The following MMP17 variants were observed in gnomAD, a reference collection of about 807,000 sequenced individuals.
The protein encoded by MMP17 is matrix metalloproteinase-17.
In MMP17, 54 loss-of-function variants were observed where a neutral mutation model predicts 49.1. That is an observed-to-expected ratio of 1.10 (90% CI 0.88 to 1.38). The LOEUF (loss-of-function observed/expected upper bound fraction) is 1.38. MMP17 is among the 40% of genes most tolerant of loss of function. MMP17 has a pLI of 0.00. For synonymous variants in MMP17, 397 were observed against 383.1 expected (o/e 1.04, Z -0.42); for missense variants, 837 against 853.7 (o/e 0.98, Z 0.24).
rs1339418287 is a variant in MMP17, at chr12:131,832,833, C to T, written c.159+4180C>T. ...CACCCCGCCCCCTGACTCTGTCACA[C>T]CCGCTCCTCTGCGCTGTGTGTTTTC... On this transcript the variant is annotated intron_variant, in intron 1 of 9. Transcript: ENST00000360564. Among the ~76,000 whole-genome samples the T allele has an allele frequency of 1.4e-4, 22 of 152,218 alleles. 1 individual carries two copies. Among genetic ancestry groups the T allele is most frequent in the Admixed American group, 1.4e-3 (22 of 15,290 alleles).
intron 1 of MMP17, among the ~76,000 whole-genome samples, chr12:131,837,076 TGTGG>T (rs1430908353): frequency 6.6e-6 from 1 of 152,216 alleles, no homozygotes; most frequent in Non-Finnish European, 1.5e-5. Context: ...TCAGCTCCGG[TGTGG>T]GTAGCCTTGC....
At position 131,851,420 on chromosome 12, in the gene MMP17, T is replaced by A. The variant is rs7136508; in HGVS notation, c.*146T>A. The stretch of plus-strand genomic sequence containing the variant: ...ACCGGAAGGCCAGCAGAGGGCACTG[T>A]CCGCCAGGGCTGGGCAGGCTCAGGT... On this transcript the variant is annotated 3_prime_UTR_variant, in exon 10 of 10. Coordinates refer to ENST00000360564, the MANE Select transcript of MMP17 (RefSeq NM_016155.7). The A allele has an allele frequency of 4.7e-6, 3 of 642,578 alleles. No homozygotes were observed. The highest frequency in any genetic ancestry group is 9.6e-5 in the South Asian group (2 of 20,886). 39.8% of individuals were successfully genotyped at this position (642,578 alleles called of 1,614,324 possible).
intron 6 of MMP17, chr12:131,844,712 G>A: frequency 5.9e-5 from 14 of 237,210 alleles, no homozygotes; most frequent in Non-Finnish European, 9.3e-5. Context: ...CATGCACCTT[G>A]TCCCTGACCT....
At chr12:131,840,445 G>C (rs1887327103) in intron 3 of MMP17, 128 bp from the exon 4 acceptor site, 3 of 963,370 alleles carry the variant, frequency 3.1e-6, no homozygotes, top group African/African-American at 3.3e-5. Context: ...GGCGTGGGGA[G>C]GAAGGCGGAA....
rs551554452 is a variant in MMP17 at position 131,842,013 on chromosome 12, G to T, written c.883+213G>T. Among the ~76,000 whole-genome samples, 12 of 152,350 alleles carry T rather than the reference G, an allele frequency of 7.9e-5. No homozygotes were observed. The East Asian group carries it at 2.1e-3, about 27-fold the overall frequency. ...ATCAGAATTCCACCTCTGCGCCCCAGACACTGGTGGAGTTACGACAGGCAG... is the reference window on the plus strand; with the variant it reads ...ATCAGAATTCCACCTCTGCGCCCCATACACTGGTGGAGTTACGACAGGCAG... On this transcript the variant is annotated intron_variant, in intron 5 of 9. Transcript: ENST00000360564.
intron 1 of MMP17, among the ~76,000 whole-genome samples, chr12:131,837,706 GATTT>G (rs897397296): frequency 3.9e-5 from 6 of 152,212 alleles, no homozygotes; most frequent in Non-Finnish European, 5.9e-5. Context: ...AGGGACATCA[GATTT>G]ATTTATTTAT....
chr12:131,834,800 A>C (rs146121952), intron 1 of MMP17, among the ~76,000 whole-genome samples: 419 of 151,864 alleles, frequency 2.8e-3, no homozygotes, highest in Admixed American at 4.8e-3. Context: ...CTGGGTCAAC[A>C]TTTCCAAGCC....
At chr12:131,844,920 G>C (rs1177313872) in intron 6 of MMP17, 198 bp from the exon 7 acceptor site, 2 of 594,448 alleles carry the variant, frequency 3.4e-6, no homozygotes, top group African/African-American at 3.7e-5. Context: ...TCAGAGCGTA[G>C]ATCTCGGCCC....
chr12:131,847,360 G>C (rs574603854), intron 8 of MMP17, among the ~76,000 whole-genome samples: 86 of 149,606 alleles, frequency 5.7e-4, no homozygotes, highest in East Asian at 5.6e-3. Context: ...TTGCAGTGAG[G>C]TGAGATCACA....
intron 1 of MMP17, among the ~76,000 whole-genome samples, chr12:131,830,984 C>T (rs1886764534): frequency 6.6e-6 from 1 of 152,234 alleles, no homozygotes; most frequent in South Asian, 2.1e-4. Context: ...GCGTCCGCCT[C>T]CCTCCCGCCC....
At chr12:131,835,283 C>T (rs975526385) in intron 1 of MMP17, among the ~76,000 whole-genome samples, 4 of 152,252 alleles carry the variant, frequency 2.6e-5, no homozygotes, top group Non-Finnish European at 1.5e-5. Flanking sequence ...GGCGACAGTG[C>T]CTGTTTATCA....
intron 6 of MMP17, chr12:131,844,557 T>G (rs1475458370): frequency 4.4e-6 from 1 of 228,950 alleles, no homozygotes; most frequent in African/African-American, 2.3e-5. Flanking sequence ...CCAGTGAAGT[T>G]GTCTTGAGAG....
At chr12:131,842,603 G>A (rs1887471854) in intron 5 of MMP17, among the ~76,000 whole-genome samples, 1 of 151,926 alleles carries the variant, frequency 6.6e-6, no homozygotes, top group African/African-American at 2.4e-5. Flanking sequence ...GTGAAACCCT[G>A]TCTCTACTAA....
chr12:131,845,261 GTC>G (rs770777960), intron 7 of MMP17, 34 bp from the exon 8 acceptor site: 1 of 1,613,578 alleles, frequency 6.2e-7, no homozygotes, highest in East Asian at 2.2e-5. Context: ...GGTGCAGACC[GTC>G]TCTGCAGCCC....
chr12:131,841,911 C>A (rs1887437234), intron 5 of MMP17, 111 bp downstream of exon 5: 1 of 1,231,232 alleles, frequency 8.1e-7, no homozygotes, highest in Admixed American at 2.5e-5. Context: ...GCTGTTCCCT[C>A]CACGGATGGT....
intron 1 of MMP17, among the ~76,000 whole-genome samples, chr12:131,831,690 G>T (rs1028852527): frequency 1.3e-5 from 2 of 149,396 alleles, no homozygotes; most frequent in Non-Finnish European, 3.0e-5. Context: ...CCTTGGACGT[G>T]GGCTTTGCCA....
intron 5 of MMP17, among the ~76,000 whole-genome samples, 164 bp from the exon 6 acceptor site, chr12:131,843,833 C>G (rs1018406179): frequency 6.6e-6 from 1 of 152,152 alleles, no homozygotes; most frequent in Non-Finnish European, 1.5e-5. Flanking sequence ...CCCACCTCGA[C>G]GTCAGCTCTG....
At chr12:131,838,152 C>T (rs941677717) in intron 1 of MMP17, 43 bp from the exon 2 acceptor site, 11 of 1,568,548 alleles carry the variant, frequency 7.0e-6, no homozygotes, top group South Asian at 3.5e-5. Context: ...TGGGTAGGAC[C>T]GGGCCCTCTG....
intron 3 of MMP17, among the ~76,000 whole-genome samples, chr12:131,839,088 T>C (rs1593228159): frequency 6.6e-6 from 1 of 151,900 alleles, no homozygotes; most frequent in African/African-American, 2.4e-5. Context: ...TGCAAAGGAG[T>C]AGGCTGGATG....
Sources: gnomAD v4.1 joint callset for allele counts (sites outside exome capture counted in the v4.1 genomes callset) on GRCh38, gnomAD v4.1.1 for gene constraint, MANE v1.5 for transcripts, NCBI Gene and HGNC (gene_info 2026-07-23, HGNC 2026-07-21) for gene names.